Variants in ADAMTSL3 observed in about 807,000 individuals in gnomAD.
The protein encoded by ADAMTSL3 is ADAMTS-like protein 3.
In ADAMTSL3, 128 loss-of-function variants were observed where a neutral mutation model predicts 201.7. That is an observed-to-expected ratio of 0.63 (90% CI 0.55 to 0.73). The LOEUF (loss-of-function observed/expected upper bound fraction) is 0.73. Among genes scored for constraint, ADAMTSL3 ranks in the 30% least tolerant of loss-of-function variants. The pLI, the probability that ADAMTSL3 is intolerant of heterozygous loss-of-function variation, is 0.00. For synonymous variants in ADAMTSL3, 738 were observed against 748.4 expected, an observed-to-expected ratio of 0.99 and a Z score of 0.23; for missense variants, 1,990 against 2,119.6, an observed-to-expected ratio of 0.94 and a Z score of 1.20.
At chr15:83,881,707 T>C (rs115630780) in intron 9 of ADAMTSL3, among the ~76,000 whole-genome samples, 2,960 of 151,492 alleles carry the variant, frequency 0.02, 99 homozygotes, top group African/African-American at 0.065. Flanking sequence ...ATACAAAAAC[T>C]AGCTAGGCAT....
rs1567169961 is a variant in ADAMTSL3 at position 83,823,965 on chromosome 15, T to TCC, written c.600+3918_600+3919insCC. Reference sequence around the variant, plus strand: ...CTTCTTCTTCTTCTTCTTCTTCTTCTTCTTCTTCTCCTCCTCCTCCTCCTC... The same window carrying TCC: ...CTTCTTCTTCTTCTTCTTCTTCTTCTCCTCTTCTTCTCCTCCTCCTCCTCCTC... On this transcript the variant is annotated intron_variant, in intron 6 of 29. Transcript: ENST00000286744. 7.0e-4 allele frequency among the ~76,000 whole-genome samples: 51 copies of TCC among 73,276 alleles called. 3 individuals are homozygous for TCC. The highest frequency in any genetic ancestry group is 6.0e-3 in the South Asian group (15 of 2,514). 48.1% of individuals were successfully genotyped at this position (73,276 alleles called of 152,430 possible).
At chr15:83,721,544 T>C (rs1407597419) in intron 3 of ADAMTSL3, among the ~76,000 whole-genome samples, 1 of 152,162 alleles carries the variant, frequency 6.6e-6, no homozygotes, top group Non-Finnish European at 1.5e-5. Context: ...TCAGTTATAA[T>C]CCAGTTCTAC....
chr15:83,732,197 A>G (rs555002317), intron 3 of ADAMTSL3, among the ~76,000 whole-genome samples: 41 of 152,064 alleles, frequency 2.7e-4, no homozygotes, highest in Non-Finnish European at 5.6e-4. Flanking sequence ...CATTGCTTTG[A>G]TAGTAATTGG....
At chr15:83,948,411 TACAC>T (rs72124987) in intron 19 of ADAMTSL3, among the ~76,000 whole-genome samples, 3,947 of 145,532 alleles carry the variant, frequency 0.027, 120 homozygotes, top group African/African-American at 0.078. Flanking sequence ...AAAGCTTATT[TACAC>T]ACACACACAC....
At chr15:83,894,005 A>T (rs1413195470) in intron 13 of ADAMTSL3, among the ~76,000 whole-genome samples, 1 of 152,204 alleles carries the variant, frequency 6.6e-6, no homozygotes, top group Admixed American at 6.5e-5. Flanking sequence ...AGTAAATACA[A>T]CTTGCTCCAA....
intron 2 of ADAMTSL3, among the ~76,000 whole-genome samples, chr15:83,700,793 A>G (rs1267469209): frequency 2.0e-5 from 3 of 152,168 alleles, no homozygotes; most frequent in African/African-American, 7.2e-5. Context: ...AAATAAAGTG[A>G]TGATTGAAGC....
chr15:83,975,336 C>G (rs1179823369), intron 20 of ADAMTSL3, among the ~76,000 whole-genome samples: 2 of 152,074 alleles, frequency 1.3e-5, no homozygotes. Context: ...CTCCTACACA[C>G]CTCTTGGACT....
intron 5 of ADAMTSL3, among the ~76,000 whole-genome samples, chr15:83,809,600 C>G (rs1020746816): frequency 4.6e-5 from 7 of 152,204 alleles, no homozygotes; most frequent in Non-Finnish European, 1.0e-4. Context: ...TTTCCAGACT[C>G]GTTACTGTCT....
intron 19 of ADAMTSL3, among the ~76,000 whole-genome samples, chr15:83,965,614 A>G (rs2067067953): frequency 6.6e-6 from 1 of 152,216 alleles, no homozygotes; most frequent in African/African-American, 2.4e-5. Context: ...TGTCAACATT[A>G]GACAGATCAA....
In ADAMTSL3 at chr15:84,037,709, C is replaced by A; in HGVS notation, c.4979C>A (p.Thr1660Lys). The A allele has an allele frequency of 6.2e-7, 1 of 1,603,192 alleles. No homozygotes were observed. Among genetic ancestry groups the A allele is most frequent in the South Asian group, 1.1e-5 (1 of 88,404 alleles). Reference sequence around the variant, plus strand: ...TGTTTCTTTTTTGCAGGAGACTGCACAGACACAACTCACTACTGTATGTTT... The same window carrying A: ...TGTTTCTTTTTTGCAGGAGACTGCAAAGACACAACTCACTACTGTATGTTT... Reference protein sequence around the residue: ...CLGPSCDRDCTDTTHYCMFVK... With the variant: ...CLGPSCDRDCKDTTHYCMFVK... Residue 1660 changes from threonine to lysine, a missense_variant, in exon 30 of 30, where the codon ACA becomes AAA. By Grantham distance (78) the Thr-to-Lys change is moderately conservative. Transcript: ENST00000286744.
rs1429351101 is a variant in ADAMTSL3 at position 83,804,499 on chromosome 15, T to C, written c.318-151T>C. 5.1e-6 allele frequency: 3 copies of C among 588,412 alleles called. No individual in the cohort carries two copies. The African/African-American group carries it at 5.9e-5, about 12-fold the overall frequency. 36.4% of individuals were successfully genotyped at this position (588,412 alleles called of 1,614,324 possible). ...TCCCGATCCTTGAAAATTAGTTTCT[T>C]AGAATTAAACTTTGAATCTTTGGGG... On this transcript the variant is annotated intron_variant, in intron 4 of 29. Coordinates refer to ENST00000286744, the MANE Select transcript of ADAMTSL3 (RefSeq NM_207517.3).
chr15:83,810,712 G>C (rs1251493244), intron 5 of ADAMTSL3, among the ~76,000 whole-genome samples: 1 of 152,056 alleles, frequency 6.6e-6, no homozygotes, highest in Non-Finnish European at 1.5e-5. Flanking sequence ...AGCCAGCAAT[G>C]CTGCATCTGT....
At chr15:83,833,363 G>T (rs1169749406) in intron 6 of ADAMTSL3, among the ~76,000 whole-genome samples, 2 of 152,150 alleles carry the variant, frequency 1.3e-5, no homozygotes, top group African/African-American at 4.8e-5. Flanking sequence ...GTCCTCACAT[G>T]GCAGAAGGGA....
At chr15:83,844,570 G>A (rs960274487) in intron 7 of ADAMTSL3, among the ~76,000 whole-genome samples, 3 of 152,202 alleles carry the variant, frequency 2.0e-5, no homozygotes, top group South Asian at 4.2e-4. Flanking sequence ...TCAGAACTGC[G>A]ATTGAGAAAG....
At chr15:83,957,873 A>G (rs1223127178) in intron 19 of ADAMTSL3, among the ~76,000 whole-genome samples, 1 of 152,192 alleles carries the variant, frequency 6.6e-6, no homozygotes, top group Non-Finnish European at 1.5e-5. Flanking sequence ...CATGATATCT[A>G]AAAGTATATT....
In ADAMTSL3 at chr15:83,991,091, C is replaced by T. The variant is rs1308543685; in HGVS notation, c.3850C>T (p.Pro1284Ser). ...CCTGCTCCCTTTGAATTAAGAGGCA[C>T]CTGTCATCTTGTCTGTTGAAAGAAA... ...ESSSVLYAEA[P>S]VILSVERNIT... The change falls in exon 23 of 30, where the codon CCT (proline) becomes TCT (serine). Residue 1284 changes from proline (P) to serine (S), a missense_variant. Pro to Ser is a moderately conservative substitution (Grantham distance 74). Transcript: ENST00000286744. 1 of 1,614,192 alleles carries T rather than the reference C, an allele frequency of 6.2e-7. No individual in the cohort carries two copies. The highest frequency in any genetic ancestry group is 1.1e-5 in the South Asian group (1 of 91,084).
chr15:83,782,498 T>G (rs753108096), intron 4 of ADAMTSL3, among the ~76,000 whole-genome samples: 15 of 151,928 alleles, frequency 9.9e-5, no homozygotes, highest in Non-Finnish European at 2.1e-4. Flanking sequence ...AATTGTAAAC[T>G]GGATAAAGAA....
At chr15:83,656,826 C>G (rs2061091251) in intron 2 of ADAMTSL3, among the ~76,000 whole-genome samples, 1 of 152,228 alleles carries the variant, frequency 6.6e-6, no homozygotes, top group Admixed American at 6.5e-5. Context: ...GTTAAATAAA[C>G]ATGCATCCAT....
At chr15:83,736,400 T>C (rs942852831) in intron 3 of ADAMTSL3, among the ~76,000 whole-genome samples, 1 of 152,176 alleles carries the variant, frequency 6.6e-6, no homozygotes, top group Non-Finnish European at 1.5e-5. Flanking sequence ...TCTCATGAAA[T>C]GACCTCAAAG....
Sources: gnomAD v4.1 joint callset for allele counts (sites outside exome capture counted in the v4.1 genomes callset) on GRCh38, gnomAD v4.1.1 for gene constraint, MANE v1.5 for transcripts, NCBI Gene and HGNC (gene_info 2026-07-23, HGNC 2026-07-21) for gene names.